MIGA1: variants seen among roughly 807,000 people sequenced by gnomAD.
The protein encoded by MIGA1 is family with sequence similarity 73, member A.
A neutral mutation model predicts 82.0 loss-of-function variants in MIGA1; 58 were observed. The observed-to-expected ratio is 0.71, with a 90% CI of 0.57 to 0.88. MIGA1 has a LOEUF of 0.88. Ranked by LOEUF, MIGA1 falls within the 40% of genes least tolerant of loss-of-function variation. The pLI is 0.00. For synonymous variants in MIGA1, 249 were observed against 253.6 expected (o/e 0.98, Z 0.17); for missense variants, 751 against 749.1 (o/e 1.00, Z -0.03).
chr1:77,848,882 T>C, intron 8 of MIGA1: 3 of 763,524 alleles, frequency 3.9e-6, no homozygotes, highest in South Asian at 6.4e-5. Context: ...CATAAAGGAG[T>C]GTGTTACCAG....
intron 8 of MIGA1, among the ~76,000 whole-genome samples, chr1:77,852,424 A>T (rs1020425214): frequency 9.2e-5 from 14 of 152,298 alleles, no homozygotes; most frequent in African/African-American, 3.4e-4. Flanking sequence ...TAAAGTAGAG[A>T]ATATATACTG....
chr1:77,866,317 C>A, intron 13 of MIGA1, 21 bp from the exon 14 acceptor site: 1 of 1,612,292 alleles, frequency 6.2e-7, no homozygotes, highest in Non-Finnish European at 8.5e-7. Flanking sequence ...ATAAATCTTT[C>A]TTTTCTCTGC....
At chr1:77,793,121 T>A (rs1399495141) in intron 2 of MIGA1, among the ~76,000 whole-genome samples, 1 of 151,386 alleles carries the variant, frequency 6.6e-6, no homozygotes. Context: ...TTTTTGTTTT[T>A]TAAAGACAGG....
intron 8 of MIGA1, chr1:77,847,620 AAG>A (rs1684893823): frequency 1.3e-6 from 2 of 1,547,422 alleles, no homozygotes; most frequent in Non-Finnish European, 1.8e-6. Context: ...AGAAAGAAAA[AAG>A]AGGGCTGCTG....
intron 8 of MIGA1, among the ~76,000 whole-genome samples, chr1:77,851,908 A>C (rs975894125): frequency 1.2e-4 from 14 of 119,904 alleles, no homozygotes; most frequent in African/African-American, 4.4e-4. Flanking sequence ...ACAGAGTCTT[A>C]CTCTGTCACT....
At chr1:77,819,005 A>G (rs1222263386) in intron 7 of MIGA1, among the ~76,000 whole-genome samples, 1 of 150,684 alleles carries the variant, frequency 6.6e-6, no homozygotes. Context: ...GCTTGAACCC[A>G]GGAGACGGAG....
intron 7 of MIGA1, among the ~76,000 whole-genome samples, chr1:77,831,328 G>A (rs994933650): frequency 9.9e-5 from 15 of 152,074 alleles, no homozygotes; most frequent in Non-Finnish European, 2.9e-5. Flanking sequence ...AAGTAATTTT[G>A]TAAGCTTTGA....
intron 9 of MIGA1, 64 bp from the exon 10 acceptor site, chr1:77,859,250 C>A: frequency 1.5e-6 from 2 of 1,369,070 alleles, no homozygotes; most frequent in Non-Finnish European, 1.0e-6. Flanking sequence ...TGTTTGAATC[C>A]AAATTTATAG....
At chr1:77,818,634 C>T (rs541138559) in intron 7 of MIGA1, among the ~76,000 whole-genome samples, 2 of 152,178 alleles carry the variant, frequency 1.3e-5, no homozygotes, top group South Asian at 2.1e-4. Flanking sequence ...TTTCCTGGCT[C>T]GACATGGTGG....
chr1:77,794,229 A>G (rs1188646204), intron 2 of MIGA1, among the ~76,000 whole-genome samples: 15 of 152,218 alleles, frequency 9.9e-5, no homozygotes, highest in Admixed American at 8.5e-4. Flanking sequence ...TAAGATTAAC[A>G]TTGTAATCTT....
chr1:77,849,566 C>T (rs1254930538), intron 8 of MIGA1, among the ~76,000 whole-genome samples: 4 of 152,036 alleles, frequency 2.6e-5, no homozygotes, highest in Non-Finnish European at 5.9e-5. Context: ...GTGAATCATA[C>T]ATCTTGTCTA....
rs957103741 is a variant in MIGA1 at position 77,850,400 on chromosome 1, A to G, written c.996+6993A>G. On this transcript the variant is annotated intron_variant, in intron 8 of 15. Transcript: ENST00000370791. ...TGAAGACCCAATTTGGAGGGTGGCT[A>G]TTTTAAGTTCCTATTGTCTATTAAG... 2.6e-5 allele frequency among the ~76,000 whole-genome samples: 4 copies of G among 152,308 alleles called. No individual in the cohort carries two copies. The East Asian group carries it at 5.8e-4, about 22-fold the overall frequency.
intron 7 of MIGA1, among the ~76,000 whole-genome samples, chr1:77,832,696 G>C (rs933862055): frequency 1.3e-5 from 2 of 152,184 alleles, no homozygotes; most frequent in Non-Finnish European, 2.9e-5. Context: ...ACACAATATA[G>C]GTGGGGAGTG....
At chr1:77,840,971 A>G (rs2101884255) in intron 7 of MIGA1, among the ~76,000 whole-genome samples, 1 of 152,330 alleles carries the variant, frequency 6.6e-6, no homozygotes, top group African/African-American at 2.4e-5. Flanking sequence ...TAAGTTTTGT[A>G]TAAAAGCTCA....
At chr1:77,784,929 A>C (rs1406712228) in intron 2 of MIGA1, among the ~76,000 whole-genome samples, 1 of 152,198 alleles carries the variant, frequency 6.6e-6, no homozygotes, top group Non-Finnish European at 1.5e-5. Context: ...TGAGAACAGC[A>C]AGGGAAGGAC....
chr1:77,804,066 A>G (rs1028007397), intron 4 of MIGA1, among the ~76,000 whole-genome samples: 1 of 152,230 alleles, frequency 6.6e-6, no homozygotes. Flanking sequence ...CACAAAAATC[A>G]AAAATTAAAA....
intron 14 of MIGA1, chr1:77,868,546 A>G (rs1300698047): frequency 1.3e-5 from 2 of 152,238 alleles, no homozygotes; most frequent in Admixed American, 6.5e-5. Flanking sequence ...CTATATCCAT[A>G]GATACCTATA....
intron 7 of MIGA1, among the ~76,000 whole-genome samples, chr1:77,835,117 ATT>A (rs1416442061): frequency 1.3e-4 from 20 of 152,220 alleles, no homozygotes; most frequent in African/African-American, 4.8e-4. Context: ...ACCCACTTGG[ATT>A]GGTCTAAGGA....
intron 1 of MIGA1, chr1:77,782,862 G>T (rs1174050450): frequency 2.0e-6 from 2 of 984,652 alleles, no homozygotes; most frequent in African/African-American, 3.5e-5. Flanking sequence ...GCAGTTATAT[G>T]AAGGAAACCA....
Sources: gnomAD v4.1 joint callset for allele counts (sites outside exome capture counted in the v4.1 genomes callset) on GRCh38, gnomAD v4.1.1 for gene constraint, MANE v1.5 for transcripts, NCBI Gene and HGNC (gene_info 2026-07-23, HGNC 2026-07-21) for gene names.